RNF157: variants seen among roughly 807,000 people sequenced by gnomAD.
RNF157 encodes E3 ubiquitin ligase RNF157.
RNF157 carries 55 observed loss-of-function variants against 88.3 expected under a neutral mutation model. That is an observed-to-expected ratio of 0.62 (90% CI 0.50 to 0.78). RNF157 has a LOEUF of 0.78. RNF157 is among the 30% of genes least tolerant of loss of function. The pLI, the probability that RNF157 is intolerant of heterozygous loss-of-function variation, is 0.00. For missense variants in RNF157, 788 were observed against 860.8 expected, an observed-to-expected ratio of 0.92 and a Z score of 1.06; for synonymous variants, 334 against 341.2, an observed-to-expected ratio of 0.98 and a Z score of 0.23.
rs2068846340 is a variant in RNF157 at position 76,161,632 on chromosome 17, A to G, written c.968T>C (p.Leu323Pro). 1 of 1,614,108 alleles carries G rather than the reference A, an allele frequency of 6.2e-7. No homozygotes were observed. The highest frequency in any genetic ancestry group is 2.2e-5 in the East Asian group (1 of 44,890). Residue 323 changes from leucine to proline, a missense_variant, in exon 11 of 19, where the codon CTT becomes CCT. Physicochemically the swap from Leu to Pro is moderately conservative, Grantham distance 98 (BLOSUM62 -3). Coordinates refer to ENST00000269391, the MANE Select transcript of RNF157 (RefSeq NM_052916.3). This position sits in a 1 kb window ranked among gnomAD's most constrained non-coding sequence, Gnocchi z 4.6. ...PICRLPFRAL[L>P]QIRAMRKKLG... is the part of the protein sequence containing the mutation. ...TTTTTTCCTCATGGCTCGGATCTGA[A>G]GCAGTGCCCGGAAGGCTGTGAAGGA...
chr17:76,206,236 G>GA (rs1378294627), intron 2 of RNF157, among the ~76,000 whole-genome samples: 1 of 150,896 alleles, frequency 6.6e-6, no homozygotes, highest in African/African-American at 2.4e-5. Flanking sequence ...GTCTCAAAAG[G>GA]AAAAAAAAGG....
chr17:76,229,439 A>G (rs1398268939), intron 1 of RNF157, among the ~76,000 whole-genome samples: 1 of 152,252 alleles, frequency 6.6e-6, no homozygotes, highest in East Asian at 1.9e-4. Context: ...GTTGAGATCA[A>G]GTAAGATCAC....
chr17:76,234,546 T>A (rs1429572637), intron 1 of RNF157, among the ~76,000 whole-genome samples: 1 of 152,220 alleles, frequency 6.6e-6, no homozygotes, highest in African/African-American at 2.4e-5. Context: ...TATCATTTTT[T>A]AAAATTATAG....
chr17:76,210,200 G>A (rs148208221), intron 2 of RNF157, among the ~76,000 whole-genome samples: 1 of 152,186 alleles, frequency 6.6e-6, no homozygotes, highest in African/African-American at 2.4e-5. Flanking sequence ...CATCTGATAA[G>A]TATTACTTGA....
At chr17:76,228,336 C>T (rs752889992) in intron 1 of RNF157, among the ~76,000 whole-genome samples, 2 of 152,118 alleles carry the variant, frequency 1.3e-5, no homozygotes, top group Non-Finnish European at 2.9e-5. Context: ...CTCTCAGAAC[C>T]CTTATGCATT....
intron 18 of RNF157, among the ~76,000 whole-genome samples, chr17:76,148,914 G>T (rs1344405436): frequency 1.3e-5 from 2 of 152,102 alleles, no homozygotes; most frequent in Non-Finnish European, 2.9e-5. Flanking sequence ...GGCCTTCATA[G>T]AACTATCACT....
intron 1 of RNF157, among the ~76,000 whole-genome samples, chr17:76,229,070 G>A (rs1186504762): frequency 6.6e-6 from 1 of 152,056 alleles, no homozygotes; most frequent in East Asian, 1.9e-4. Flanking sequence ...ACTGTTCTCT[G>A]GAACACCAAC....
Position 76,164,791 on chromosome 17 carries a change from G to C in RNF157, c.677C>G (p.Thr226Arg). 1 of 1,610,368 alleles carries C rather than the reference G, an allele frequency of 6.2e-7. No individual in the cohort carries two copies. The highest frequency in any genetic ancestry group is 1.1e-5 in the South Asian group (1 of 90,844). Residue 226 changes from threonine (T) to arginine (R), a missense_variant, in exon 8 of 19, where the codon ACA (threonine) becomes AGA (arginine). By Grantham distance (71) the Thr-to-Arg change is moderately conservative. Transcript: ENST00000269391. ...HVLLGTFEKH[T>R]DGTFCVKPLK... The stretch of plus-strand genomic sequence containing the variant: ...GGGCTTGACACAGAAAGTTCCATCT[G>C]TGTGCTGGAATGAAAATATGAAAGT...
At chr17:76,239,820 G>C (rs1001858112) in intron 1 of RNF157, among the ~76,000 whole-genome samples, 1 of 152,050 alleles carries the variant, frequency 6.6e-6, no homozygotes. Flanking sequence ...CGCCTACGAC[G>C]CCGCAGCCCC....
At chr17:76,151,385 G>A (rs1282558547) in intron 18 of RNF157, among the ~76,000 whole-genome samples, 1 of 152,228 alleles carries the variant, frequency 6.6e-6, no homozygotes, top group African/African-American at 2.4e-5. Context: ...CTGATGGAGA[G>A]TGGCAACCAC....
chr17:76,203,526 C>T (rs1027450582), intron 2 of RNF157, among the ~76,000 whole-genome samples: 13 of 150,676 alleles, frequency 8.6e-5, no homozygotes, highest in Admixed American at 2.0e-4. Flanking sequence ...AATCTCAGCT[C>T]GCTGCAACCT....
At chr17:76,213,553 G>A (rs1029393185) in intron 1 of RNF157, among the ~76,000 whole-genome samples, 1 of 137,532 alleles carries the variant, frequency 7.3e-6, no homozygotes, top group Non-Finnish European at 1.5e-5. Context: ...CTAGGTGACA[G>A]AGCAAAACTC....
chr17:76,228,249 C>A (rs1333269217), intron 1 of RNF157, among the ~76,000 whole-genome samples: 1 of 152,166 alleles, frequency 6.6e-6, no homozygotes, highest in African/African-American at 2.4e-5. Flanking sequence ...TAGAGAAAGG[C>A]ACACATCAAT....
rs139561737 is a variant in RNF157, at chr17:76,179,306, A to G, written c.208-5516T>C. ...CTACTCAGAAGGCTGACGCAAGAGGATCACTTGAGCCCAGGAGATTGAGGC... is the reference window on the plus strand; with the variant it reads ...CTACTCAGAAGGCTGACGCAAGAGGGTCACTTGAGCCCAGGAGATTGAGGC... On this transcript the variant is annotated intron_variant, in intron 2 of 18. Coordinates refer to ENST00000269391, the MANE Select transcript of RNF157 (RefSeq NM_052916.3). Among the ~76,000 whole-genome samples, 1,216 of 152,242 alleles carry G rather than the reference A, an allele frequency of 8.0e-3. 11 individuals are homozygous for G. Among genetic ancestry groups the G allele is most frequent in the African/African-American group, 0.028 (1,143 of 41,530 alleles).
Position 76,182,857 on chromosome 17 carries a change from T to G in RNF157, c.208-9067A>C, listed in dbSNP as rs577247429. Among the ~76,000 whole-genome samples the G allele has an allele frequency of 8.7e-4, 116 of 133,220 alleles. 1 individual carries two copies. Among genetic ancestry groups the G allele is most frequent in the African/African-American group, 2.7e-3 (92 of 33,562 alleles). The allele number at this position is 133,220 out of a possible 152,430, so 87.4% of individuals were successfully genotyped here. ...TATATGATATATAGGATATATAGGA[T>G]ATATATATCCTATATATCATAATAA... On this transcript the variant is annotated intron_variant, in intron 2 of 18. Coordinates refer to ENST00000269391, the MANE Select transcript of RNF157 (RefSeq NM_052916.3).
rs770532811 is a variant in RNF157, at chr17:76,161,856, G to A, written c.939C>T (p.Pro313=). The A allele has an allele frequency of 1.9e-6, 3 of 1,614,136 alleles. No homozygotes were observed. In the East Asian group the frequency reaches 6.7e-5, roughly 36 times the overall value. ...TCTGGGGCTTACGCAGTCGGCAGATGGGGCAGTTGTTGGCCTGGTAGCGCA... is the reference window on the plus strand; with the variant it reads ...TCTGGGGCTTACGCAGTCGGCAGATAGGGCAGTTGTTGGCCTGGTAGCGCA... The part of the protein sequence containing the change: ...DTLRYQANNC[P]ICRLPFRALL... Residue 313 remains proline, a synonymous_variant, in exon 10 of 19, where the codon CCC becomes CCT. Transcript: ENST00000269391. The surrounding 1 kb of genome is among the most constrained non-coding windows in gnomAD (Gnocchi z 4.6).
chr17:76,197,355 A>C (rs996949989), intron 2 of RNF157, among the ~76,000 whole-genome samples: 2 of 152,156 alleles, frequency 1.3e-5, no homozygotes, highest in Non-Finnish European at 2.9e-5. Context: ...CAGGTATAGC[A>C]ATCAAAAATG....
chr17:76,208,447 G>A (rs2069720271), intron 2 of RNF157, among the ~76,000 whole-genome samples: 2 of 152,210 alleles, frequency 1.3e-5, no homozygotes, highest in African/African-American at 4.8e-5. Flanking sequence ...CCTGTTGAAT[G>A]AGGACCTTTT....
intron 18 of RNF157, among the ~76,000 whole-genome samples, chr17:76,148,715 C>T (rs891861519): frequency 2.6e-5 from 4 of 152,064 alleles, no homozygotes; most frequent in African/African-American, 7.2e-5. Flanking sequence ...GGACCACAGG[C>T]GTACGCCACC....
Sources: allele counts gnomAD v4.1 joint callset (sites outside exome capture counted in the v4.1 genomes callset), GRCh38; gene constraint gnomAD v4.1.1; non-coding constraint Gnocchi (gnomAD v3.1); transcripts MANE v1.5; gene names NCBI Gene and HGNC (gene_info 2026-07-23, HGNC 2026-07-21).